The following FAM168B variants were observed in gnomAD, a reference collection of about 807,000 sequenced individuals.
The protein encoded by FAM168B is family with sequence similarity 168 member B.
Under a neutral mutation model 21.8 loss-of-function variants are expected in FAM168B, and 19 were observed. The ratio of observed to expected loss-of-function variants is 0.87; its 90% CI spans 0.61 to 1.28. The LOEUF is 1.28. FAM168B is among the 50% of genes most tolerant of loss of function. The pLI is 0.00. For missense variants in FAM168B, 233 were observed against 263.1 expected (o/e 0.89, Z 0.79); for synonymous variants, 126 against 104.8 (o/e 1.20, Z -1.24).
rs1313579400 is a variant in FAM168B, at chr2:131,051,890, A to C, written c.*575T>G. The C allele has an allele frequency of 1.0e-6, 1 of 985,354 alleles. No homozygotes were observed. Among genetic ancestry groups the C allele is most frequent in the African/African-American group, 1.7e-5 (1 of 57,230 alleles). The allele number at this position is 985,354 out of a possible 1,614,324, so 61.0% of individuals were successfully genotyped here. On this transcript the variant is annotated 3_prime_UTR_variant, in exon 7 of 7. Transcript: ENST00000389915. ...CTCGCAACTCCCTCCCAGGACAGTCAGTGCCAAAGAAACAGGTCGCTGAAA... is the reference window on the plus strand; with the variant it reads ...CTCGCAACTCCCTCCCAGGACAGTCCGTGCCAAAGAAACAGGTCGCTGAAA...
At chr2:131,069,042 T>C (rs1050657603) in intron 3 of FAM168B, among the ~76,000 whole-genome samples, 1 of 152,124 alleles carries the variant, frequency 6.6e-6, no homozygotes, top group Non-Finnish European at 1.5e-5. Context: ...GGGTGGCCCA[T>C]GTTCCACAGG....
At chr2:131,085,097 G>A (rs746120589) in intron 1 of FAM168B, among the ~76,000 whole-genome samples, 1 of 152,098 alleles carries the variant, frequency 6.6e-6, no homozygotes, top group East Asian at 1.9e-4. Flanking sequence ...TGGGGGTAGG[G>A]GGGTATATGG....
intron 2 of FAM168B, among the ~76,000 whole-genome samples, 182 bp from the exon 3 acceptor site, chr2:131,072,120 T>C (rs1692904665): frequency 6.6e-6 from 1 of 152,220 alleles, no homozygotes; most frequent in Non-Finnish European, 1.5e-5. Flanking sequence ...AACTTTGTTT[T>C]TTTTATCGTT....
At chr2:131,064,899 G>A (rs545367257) in intron 3 of FAM168B, among the ~76,000 whole-genome samples, 1 of 152,262 alleles carries the variant, frequency 6.6e-6, no homozygotes, top group Admixed American at 6.5e-5. Flanking sequence ...GGGGGTAGCT[G>A]GAGGTTTAAT....
chr2:131,048,727 G>T lies in FAM168B; in HGVS notation c.*3738C>A. On this transcript the variant is annotated 3_prime_UTR_variant, in exon 7 of 7. Transcript: ENST00000389915. ...AACACTCACAAATGCAGAGGTACTA[G>T]AGGGGAGAAATACGTGCTCTGCCTT... The T allele has an allele frequency of 1.0e-6, 1 of 987,560 alleles. No homozygotes were observed. Among genetic ancestry groups the T allele is most frequent in the East Asian group, 1.1e-4 (1 of 8,884 alleles). 61.2% of individuals were successfully genotyped at this position (987,560 alleles called of 1,614,324 possible).
intron 5 of FAM168B, among the ~76,000 whole-genome samples, chr2:131,053,533 T>C (rs1251611661): frequency 6.6e-6 from 1 of 152,220 alleles, no homozygotes; most frequent in Non-Finnish European, 1.5e-5. Context: ...TCTGGAGCTC[T>C]GTTTCACAAC....
chr2:131,091,089 T>C (rs1693996341), intron 1 of FAM168B, among the ~76,000 whole-genome samples: 1 of 152,152 alleles, frequency 6.6e-6, no homozygotes, highest in South Asian at 2.1e-4. Context: ...ATCCCAGCAC[T>C]CTGGGAGGCC....
At chr2:131,084,172 C>T (rs1370576200) in intron 1 of FAM168B, among the ~76,000 whole-genome samples, 1 of 150,852 alleles carries the variant, frequency 6.6e-6, no homozygotes, top group Admixed American at 6.6e-5. Context: ...AGTGCTGGGA[C>T]TGTATTTCTC....
intron 3 of FAM168B, among the ~76,000 whole-genome samples, chr2:131,065,258 G>A (rs1277896022): frequency 1.3e-5 from 2 of 152,148 alleles, no homozygotes; most frequent in African/African-American, 2.4e-5. Flanking sequence ...GTGAAATGTG[G>A]GGGCTCCCAC....
At chr2:131,056,610 A>T (rs1302129690) in intron 3 of FAM168B, among the ~76,000 whole-genome samples, 1 of 152,156 alleles carries the variant, frequency 6.6e-6, no homozygotes, top group African/African-American at 2.4e-5. Flanking sequence ...GGGGAGGGAG[A>T]GGGTCTCTGG....
intron 3 of FAM168B, among the ~76,000 whole-genome samples, chr2:131,062,788 T>C (rs568988063): frequency 1.0e-3 from 152 of 152,306 alleles, no homozygotes; most frequent in African/African-American, 3.6e-3. Context: ...CAGGTAGGCG[T>C]TGCTGAAGCA....
Position 131,082,606 on chromosome 2 carries a change from T to C in FAM168B, c.41A>G (p.Tyr14Cys), listed in dbSNP as rs755030070. Reference protein sequence around the residue: ...VYSPGSSGVPYANAKGIGYPA... With the variant: ...VYSPGSSGVPCANAKGIGYPA... ...ATAACCAATTCCTTTGGCATTTGCA[T>C]AGGGAACCCCAGAAGATCCAGGACT... Residue 14 changes from tyrosine (Y) to cysteine (C), a missense_variant, in exon 2 of 7, where the codon TAT (tyrosine) becomes TGT (cysteine). Transcript: ENST00000389915. 8 of 1,609,960 alleles carry C rather than the reference T, an allele frequency of 5.0e-6. No individual in the cohort carries two copies. The highest frequency in any genetic ancestry group is 2.7e-5 in the African/African-American group (2 of 74,688).
intron 1 of FAM168B, among the ~76,000 whole-genome samples, chr2:131,087,592 T>G (rs1047985098): frequency 6.6e-6 from 1 of 152,184 alleles, no homozygotes; most frequent in Non-Finnish European, 1.5e-5. Flanking sequence ...CAACTGAGTT[T>G]GTTTGGAGCT....
At chr2:131,057,564 T>C (rs1311905343) in intron 3 of FAM168B, among the ~76,000 whole-genome samples, 2 of 152,130 alleles carry the variant, frequency 1.3e-5, no homozygotes, top group Admixed American at 6.5e-5. Flanking sequence ...TGTACAACTG[T>C]CAAAACCCAC....
chr2:131,078,109 G>A (rs1016598631), intron 2 of FAM168B, among the ~76,000 whole-genome samples: 13 of 152,178 alleles, frequency 8.5e-5, no homozygotes, highest in Non-Finnish European at 1.5e-4. Context: ...AATACACTGC[G>A]TGAGACAGTT....
intron 3 of FAM168B, among the ~76,000 whole-genome samples, chr2:131,067,568 C>T (rs1307743495): frequency 6.6e-6 from 1 of 152,084 alleles, no homozygotes; most frequent in African/African-American, 2.4e-5. Context: ...CAGTGAGACC[C>T]CATCTCTACA....
intron 6 of FAM168B, 67 bp from the exon 7 acceptor site, chr2:131,052,519 A>C: frequency 4.0e-6 from 4 of 1,007,474 alleles, no homozygotes; most frequent in Non-Finnish European, 3.6e-6. Context: ...CAAAATCTCA[A>C]GTAGGATGAG....
intron 2 of FAM168B, among the ~76,000 whole-genome samples, chr2:131,076,400 G>A (rs1053598141): frequency 1.3e-5 from 2 of 151,978 alleles, no homozygotes; most frequent in Admixed American, 6.6e-5. Flanking sequence ...AGTGGCTCAC[G>A]CCTGTAATCC....
chr2:131,091,904 C>A (rs1169830140), intron 1 of FAM168B, among the ~76,000 whole-genome samples: 3 of 149,872 alleles, frequency 2.0e-5, no homozygotes, highest in Non-Finnish European at 3.0e-5. Context: ...TCGAGGCGGG[C>A]GGATCACGAG....
Sources: gnomAD v4.1 joint callset for allele counts (sites outside exome capture counted in the v4.1 genomes callset) on GRCh38, gnomAD v4.1.1 for gene constraint, MANE v1.5 for transcripts, NCBI Gene and HGNC (gene_info 2026-07-23, HGNC 2026-07-21) for gene names.